The following HNF4A variants were observed in gnomAD, a reference collection of about 807,000 sequenced individuals.
HNF4A encodes the protein hepatocyte nuclear factor 4-alpha.
Under a neutral mutation model 52.4 loss-of-function variants are expected in HNF4A, and 15 were observed. The observed-to-expected ratio is 0.29, with a 90% CI of 0.19 to 0.44. The LOEUF (loss-of-function observed/expected upper bound fraction) is 0.44, where lower values mean the gene tolerates loss of function less well. Among genes scored for constraint, HNF4A ranks in the 20% least tolerant of loss-of-function variants. The pLI, the probability that HNF4A is intolerant of heterozygous loss-of-function variation, is 1.00. For missense variants in HNF4A, 479 were observed against 647.2 expected, an observed-to-expected ratio of 0.74 and a Z score of 2.82; for synonymous variants, 280 against 264.4, an observed-to-expected ratio of 1.06 and a Z score of -0.57.
chr20:44,427,689 CAGA>C (rs1178042429), intron 8 of HNF4A, among the ~76,000 whole-genome samples: 2 of 152,068 alleles, frequency 1.3e-5, no homozygotes, highest in South Asian at 2.1e-4. Context: ...TGCTCATAGA[CAGA>C]AGAAGTGGTT....
chr20:44,355,700 C>T, exon 1 of HNF4A: 1 of 974,362 alleles, frequency 1.0e-6, no homozygotes, highest in Non-Finnish European at 1.6e-6. Context: ...CAGCTGGCCG[C>T]ACTCACCGCC....
At chr20:44,362,126 G>T (rs977890433) in intron 1 of HNF4A, among the ~76,000 whole-genome samples, 8 of 152,028 alleles carry the variant, frequency 5.3e-5, no homozygotes, top group African/African-American at 1.4e-4. Context: ...AGCATGCTGA[G>T]GCTGGGCATG....
chr20:44,399,529 G>T (rs942694931), upstream of HNF4A, among the ~76,000 whole-genome samples: 5 of 152,140 alleles, frequency 3.3e-5, no homozygotes, highest in Admixed American at 6.5e-5. Flanking sequence ...GCAGGGCAGA[G>T]AAAGGGCTTC....
intron 8 of HNF4A, among the ~76,000 whole-genome samples, chr20:44,425,408 G>C (rs966184074): frequency 4.6e-5 from 7 of 152,212 alleles, no homozygotes; most frequent in African/African-American, 1.4e-4. Context: ...GAGCAGTGAA[G>C]ATAAACCTGA....
At chr20:44,359,616 C>T (rs2062895945) in intron 1 of HNF4A, among the ~76,000 whole-genome samples, 1 of 152,098 alleles carries the variant, frequency 6.6e-6, no homozygotes, top group African/African-American at 2.4e-5. Flanking sequence ...AACTTTCTGG[C>T]CTGGAAGATT....
intron 2 of HNF4A, 114 bp downstream of exon 2, chr20:44,406,346 T>C: frequency 1.2e-6 from 1 of 854,594 alleles, no homozygotes; most frequent in South Asian, 1.4e-5. Context: ...TTCAGGGCCT[T>C]CAAGGCTCTT....
chr20:44,397,678 G>A (rs567303340), upstream of HNF4A, among the ~76,000 whole-genome samples: 13 of 151,860 alleles, frequency 8.6e-5, no homozygotes, highest in African/African-American at 2.9e-4. Context: ...CAGGTGCAGT[G>A]GAACAATCTC....
chr20:44,402,291 G>A (rs960546672), intron 1 of HNF4A, among the ~76,000 whole-genome samples: 2 of 152,152 alleles, frequency 1.3e-5, no homozygotes, highest in South Asian at 2.1e-4. Context: ...CATGTGTGCT[G>A]TGTGTGCGGG....
At chr20:44,400,306 CA>C (rs1466917910), upstream of HNF4A, among the ~76,000 whole-genome samples, 1 of 151,724 alleles carries the variant, frequency 6.6e-6, no homozygotes, top group African/African-American at 2.4e-5. Context: ...TGGAGAGAAA[CA>C]GGGGGATGGC....
intron 3 of HNF4A, among the ~76,000 whole-genome samples, chr20:44,412,101 C>G (rs2063592887): frequency 6.6e-6 from 1 of 152,124 alleles, no homozygotes; most frequent in Non-Finnish European, 1.5e-5. Context: ...CTTCCAATGC[C>G]TTCGTTCTCT....
chr20:44,428,295 T>C, intron 8 of HNF4A, 40 bp from the exon 9 acceptor site: 1 of 1,611,042 alleles, frequency 6.2e-7, no homozygotes, highest in South Asian at 1.1e-5. Context: ...GAGGTCTGCA[T>C]CCCAGACTCT....
intron 1 of HNF4A, among the ~76,000 whole-genome samples, chr20:44,377,496 C>T (rs1216860911): frequency 6.6e-6 from 1 of 152,054 alleles, no homozygotes. Flanking sequence ...GGCGCGGTAG[C>T]TCATGCCTGT....
At chr20:44,424,997 T>C (rs2063798807) in intron 8 of HNF4A, among the ~76,000 whole-genome samples, 1 of 152,238 alleles carries the variant, frequency 6.6e-6, no homozygotes, top group South Asian at 2.1e-4. Flanking sequence ...ATTTTTATTC[T>C]TTGAGACAAA....
intron 8 of HNF4A, among the ~76,000 whole-genome samples, chr20:44,426,809 CA>C (rs2063819726): frequency 6.6e-6 from 1 of 150,794 alleles, no homozygotes; most frequent in African/African-American, 2.5e-5. Flanking sequence ...TCTGTCTCAA[CA>C]ACAACAACAA....
At chr20:44,362,004 C>T (rs1247377807) in intron 1 of HNF4A, among the ~76,000 whole-genome samples, 1 of 152,152 alleles carries the variant, frequency 6.6e-6, no homozygotes, top group African/African-American at 2.4e-5. Context: ...TGGAGCCTGG[C>T]CACACACTGC....
At chr20:44,418,061 G>A (rs1001851887) in intron 5 of HNF4A, among the ~76,000 whole-genome samples, 1 of 151,802 alleles carries the variant, frequency 6.6e-6, no homozygotes, top group African/African-American at 2.4e-5. Context: ...GGGACCCACA[G>A]TTTTGGAACT....
intron 1 of HNF4A, among the ~76,000 whole-genome samples, chr20:44,358,653 A>T (rs1345993801): frequency 2.0e-5 from 3 of 151,992 alleles, no homozygotes; most frequent in Non-Finnish European, 4.4e-5. Context: ...ACAAACAAAA[A>T]ATCTTCTTCT....
intron 1 of HNF4A, chr20:44,389,580 C>G (rs946797039): frequency 6.6e-6 from 1 of 152,260 alleles, no homozygotes; most frequent in African/African-American, 2.4e-5. Context: ...CCACCCACAA[C>G]GATGCACGCA....
At chr20:44,367,882 C>T (rs1363349561) in intron 1 of HNF4A, among the ~76,000 whole-genome samples, 1 of 151,676 alleles carries the variant, frequency 6.6e-6, no homozygotes, top group Non-Finnish European at 1.5e-5. Flanking sequence ...GACTAAATAG[C>T]TTACTCAAAA....
Sources: allele counts gnomAD v4.1 joint callset (sites outside exome capture counted in the v4.1 genomes callset), GRCh38; gene constraint gnomAD v4.1.1; transcripts MANE v1.5; gene names NCBI Gene and HGNC (gene_info 2026-07-23, HGNC 2026-07-21).